SLC36A4: variants seen among roughly 807,000 people sequenced by gnomAD.
SLC36A4 encodes neutral amino acid uniporter 4.
In SLC36A4, 49 loss-of-function variants were observed where a neutral mutation model predicts 50.5. The ratio of observed to expected loss-of-function variants is 0.97; its 90% CI spans 0.77 to 1.23. The LOEUF is 1.23. Ranked by LOEUF, SLC36A4 falls within the 50% of genes most tolerant of loss-of-function variation. The pLI is 0.00. For synonymous variants in SLC36A4, 207 were observed against 206.5 expected, an observed-to-expected ratio of 1.00 and a Z score of -0.02; for missense variants, 611 against 608.4, an observed-to-expected ratio of 1.00 and a Z score of -0.05.
intron 6 of SLC36A4, chr11:93,180,358 GAC>G (rs1861681888): frequency 1.0e-6 from 1 of 981,142 alleles, no homozygotes; most frequent in Non-Finnish European, 1.2e-6. Context: ...TTCATTTTTG[GAC>G]ACAGTGTCTT....
intron 6 of SLC36A4, chr11:93,171,348 C>T (rs933893426): frequency 3.9e-5 from 6 of 152,040 alleles, no homozygotes; most frequent in Non-Finnish European, 8.8e-5. Flanking sequence ...ACCTTATCTA[C>T]TCTTTATGTC....
rs779907484 is a variant in SLC36A4, at chr11:93,148,747, A to C, written c.1305T>G (p.Val435=). 1.2e-6 allele frequency: 2 copies of C among 1,613,002 alleles called. No individual in the cohort carries two copies. The highest frequency in any genetic ancestry group is 2.2e-5 in the South Asian group (2 of 91,064). Residue 435 remains valine, a synonymous_variant, in exon 11 of 11, where the codon GTT becomes GTG. Transcript: ENST00000326402. ...STLALILPPL[V]EILTFSKEHY... The stretch of plus-strand genomic sequence containing the variant: ...GTTCCTTCGAAAATGTAAGAATTTC[A>C]ACCAAAGGTGGCAGGATTAGGGCCA...
Position 93,162,702 on chromosome 11 carries a change from C to T in SLC36A4, c.1037+4G>A. ...CTAATATTGACAAATTCATATACAC[C>T]TACCATACATCTTGGGGAAGATTTA... On this transcript the variant is annotated splice_donor_region_variant and intron_variant, in intron 9 of 10. Transcript: ENST00000326402. The T allele has an allele frequency of 6.2e-7, 1 of 1,600,682 alleles. No individual in the cohort carries two copies. Among genetic ancestry groups the T allele is most frequent in the Non-Finnish European group, 8.5e-7 (1 of 1,173,974 alleles).
chr11:93,193,265 C>CT (rs1862289584), intron 1 of SLC36A4, among the ~76,000 whole-genome samples: 1 of 152,036 alleles, frequency 6.6e-6, no homozygotes, highest in Non-Finnish European at 1.5e-5. Context: ...GAGATAAACA[C>CT]TTAACAACTC....
intron 6 of SLC36A4, among the ~76,000 whole-genome samples, chr11:93,174,858 T>C (rs2046246845): frequency 1.2e-5 from 1 of 85,552 alleles, no homozygotes; most frequent in African/African-American, 3.4e-5. Context: ...GCCAGTATTT[T>C]ATGAGGATTT....
chr11:93,151,303 C>A (rs1033765850), intron 10 of SLC36A4, among the ~76,000 whole-genome samples: 1 of 151,904 alleles, frequency 6.6e-6, no homozygotes, highest in Non-Finnish European at 1.5e-5. Context: ...AAGTACTAAT[C>A]ACACTTATTC....
chr11:93,161,957 C>A (rs960227761), intron 9 of SLC36A4, among the ~76,000 whole-genome samples: 1 of 152,044 alleles, frequency 6.6e-6, no homozygotes. Context: ...AGATGATGCA[C>A]CATTTTGTTT....
Position 93,197,923 on chromosome 11 carries a change from C to G in SLC36A4, c.-91G>C. 3 of 1,290,940 alleles carry G rather than the reference C, an allele frequency of 2.3e-6. No homozygotes were observed. The highest frequency in any genetic ancestry group is 6.1e-5 in the East Asian group (2 of 33,016). The allele number at this position is 1,290,940 out of a possible 1,614,324, so 80.0% of individuals were successfully genotyped here. On this transcript the variant is annotated 5_prime_UTR_variant, in exon 1 of 11. Transcript: ENST00000326402. ...CAGGCCCAGGCCTACCTCCCCTGCC[C>G]GGAGGGACCCGCGCCTGGTGCCCGC... is the stretch of plus-strand genomic sequence containing the variant.
chr11:93,178,666 G>C (rs1035458999), intron 6 of SLC36A4, among the ~76,000 whole-genome samples: 2 of 152,150 alleles, frequency 1.3e-5, no homozygotes, highest in Non-Finnish European at 2.9e-5. Context: ...AAACTTTGCT[G>C]AATTATTTTA....
intron 6 of SLC36A4, among the ~76,000 whole-genome samples, chr11:93,169,832 GTAACTAAAT>G (rs1320608445): frequency 2.0e-5 from 3 of 151,966 alleles, no homozygotes; most frequent in Non-Finnish European, 2.9e-5. Flanking sequence ...TAACATTCTA[GTAACTAAAT>G]TACTTAGAGC....
chr11:93,160,161 T>C, intron 9 of SLC36A4: 1 of 985,406 alleles, frequency 1.0e-6, no homozygotes, highest in Non-Finnish European at 1.2e-6. Context: ...AACTCTTCTC[T>C]TGTATTCCTC....
intron 9 of SLC36A4, among the ~76,000 whole-genome samples, chr11:93,157,640 T>C (rs764765265): frequency 6.6e-5 from 10 of 152,170 alleles, no homozygotes; most frequent in Non-Finnish European, 1.5e-4. Flanking sequence ...CCATTCACAA[T>C]TGCCACATAA....
rs756703814 is a variant in SLC36A4, at chr11:93,185,645, CA to C, written c.179+45del. 2.7e-6 allele frequency: 4 copies of C among 1,498,058 alleles called. No individual in the cohort carries two copies. In the African/African-American group the frequency reaches 5.6e-5, roughly 21 times the overall value. The allele number at this position is 1,498,058 out of a possible 1,614,324, so 92.8% of individuals were successfully genotyped here. A position where few individuals can be genotyped will look rare whatever the true frequency, so the allele number is the denominator to read the frequency against. On this transcript the variant is annotated intron_variant, in intron 2 of 10. Transcript: ENST00000326402. ...GCCTGTAGAAGAAGATTACAAAATA[CA>C]TACTGAATTAAAAGAAAAGGAGACT...
chr11:93,187,269 A>G (rs555246137), intron 1 of SLC36A4, among the ~76,000 whole-genome samples: 3 of 152,302 alleles, frequency 2.0e-5, no homozygotes, highest in Middle Eastern at 6.8e-3. Flanking sequence ...CTTTGTCTTT[A>G]AAGTCTAGTA....
intron 9 of SLC36A4, chr11:93,155,126 C>A (rs1860290937): frequency 6.6e-6 from 1 of 151,934 alleles, no homozygotes; most frequent in Admixed American, 6.6e-5. Flanking sequence ...ATTACAGAAT[C>A]CACTCTTTAG....
intron 6 of SLC36A4, chr11:93,171,225 ATCT>A (rs1845905224): frequency 1.3e-5 from 2 of 151,976 alleles, no homozygotes; most frequent in African/African-American, 4.8e-5. Flanking sequence ...TTTCTACCTG[ATCT>A]TCTTAGGACA....
At chr11:93,158,578 A>G (rs1860471345) in intron 9 of SLC36A4, among the ~76,000 whole-genome samples, 1 of 152,138 alleles carries the variant, frequency 6.6e-6, no homozygotes, top group Admixed American at 6.6e-5. Flanking sequence ...TAGAAACAAG[A>G]GGGCATCTTT....
chr11:93,181,195 T>G (rs1303911587), intron 5 of SLC36A4, among the ~76,000 whole-genome samples: 2 of 152,032 alleles, frequency 1.3e-5, no homozygotes, highest in African/African-American at 4.8e-5. Flanking sequence ...CATCTTACTT[T>G]GATTTGCCAG....
At chr11:93,183,540 G>A (rs1228318156) in intron 3 of SLC36A4, among the ~76,000 whole-genome samples, 1 of 151,816 alleles carries the variant, frequency 6.6e-6, no homozygotes, top group Non-Finnish European at 1.5e-5. Context: ...TTTAGAAAGT[G>A]GTCTATTCAA....
Sources: gnomAD v4.1 joint callset for allele counts (sites outside exome capture counted in the v4.1 genomes callset) on GRCh38, gnomAD v4.1.1 for gene constraint, MANE v1.5 for transcripts, NCBI Gene and HGNC (gene_info 2026-07-23, HGNC 2026-07-21) for gene names.